Variants in ADAMTS2 observed in about 807,000 individuals in gnomAD.
The protein encoded by ADAMTS2 is ADAM metallopeptidase with thrombospondin type 1 motif 2.
Under a neutral mutation model 123.0 loss-of-function variants are expected in ADAMTS2, and 50 were observed. The ratio of observed to expected loss-of-function variants is 0.41; its 90% confidence interval spans 0.32 to 0.51. The LOEUF (loss-of-function observed/expected upper bound fraction) is 0.51, where lower values mean the gene tolerates loss of function less well. Among genes scored for constraint, ADAMTS2 ranks in the 20% least tolerant of loss-of-function variants. The probability of loss-of-function intolerance (pLI) is 0.35; values close to 1 mark genes in which losing one functional copy is unlikely to be tolerated. For synonymous variants in ADAMTS2, 678 were observed against 695.4 expected, an observed-to-expected ratio of 0.98 and a Z score of 0.39; for missense variants, 1,494 against 1,705.2, an observed-to-expected ratio of 0.88 and a Z score of 2.18.
rs1374159653 is a variant in ADAMTS2, at chr5:179,139,972, C to T, written c.1693G>A (p.Gly565Ser). 6.2e-7 allele frequency: 1 copy of T among 1,614,064 alleles called. No individual in the cohort carries two copies. The highest frequency in any genetic ancestry group is 1.1e-5 in the South Asian group (1 of 91,086). The change falls in exon 11 of 22, where the codon GGC becomes AGC. Residue 565 changes from glycine to serine, a missense_variant. Around this residue, in one of 6 missense-constraint regions of ADAMTS2, gnomAD observed 953 missense variants for 1,124.7 expected, o/e 0.85. Coordinates refer to ENST00000251582, the MANE Select transcript of ADAMTS2 (RefSeq NM_014244.5). ...PDILKRDGSW[G>S]AWSPFGSCSR... The stretch of plus-strand genomic sequence containing the variant: ...CAGGAGCCAAACGGACTCCAAGCGC[C>T]CCAGCTGCCGTCCCGTTTGAGGATG...
In ADAMTS2 at chr5:179,114,819, TC is replaced by T. The variant is rs200336475; in HGVS notation, c.3179-496del. Among the ~76,000 whole-genome samples the T allele has an allele frequency of 3.3e-3, 497 of 152,210 alleles. 2 individuals are homozygous for T. Among genetic ancestry groups the T allele is most frequent in the African/African-American group, 0.011 (456 of 41,524 alleles). The stretch of plus-strand genomic sequence containing the variant: ...AATTCCTAAGACCCAATATAGCAAA[TC>T]CCAGGGCCGCTGTGGCCCCACCATG... On this transcript the variant is annotated intron_variant, in intron 21 of 21. Coordinates refer to ENST00000251582, the MANE Select transcript of ADAMTS2 (RefSeq NM_014244.5).
intron 3 of ADAMTS2, among the ~76,000 whole-genome samples, chr5:179,230,050 G>C (rs946242567): frequency 2.6e-5 from 4 of 152,190 alleles, no homozygotes; most frequent in African/African-American, 9.7e-5. Context: ...ATGGAAATCT[G>C]TTTTTGACTT....
intron 13 of ADAMTS2, among the ~76,000 whole-genome samples, chr5:179,135,457 C>T (rs562208129): frequency 6.6e-6 from 1 of 152,304 alleles, no homozygotes; most frequent in South Asian, 2.1e-4. Flanking sequence ...TAAAAGAAAA[C>T]AGAGGAGGGC....
chr5:179,221,316 T>A (rs985257404), intron 3 of ADAMTS2, among the ~76,000 whole-genome samples: 3 of 152,082 alleles, frequency 2.0e-5, no homozygotes, highest in Non-Finnish European at 2.9e-5. Context: ...GTCCCCCGCA[T>A]CCCGAGCTTC....
intron 11 of ADAMTS2, 95 bp downstream of exon 11, chr5:179,139,795 G>GCCA: frequency 6.4e-7 from 1 of 1,567,112 alleles, no homozygotes; most frequent in South Asian, 1.1e-5. Flanking sequence ...CTGGTGTGCA[G>GCCA]CCACAGGGCC....
At chr5:179,313,618 A>G (rs248181) in intron 2 of ADAMTS2, among the ~76,000 whole-genome samples, 10 of 10,600 alleles carry the variant, frequency 9.4e-4, no homozygotes, top group Non-Finnish European at 9.0e-4. Context: ...ATTCACACTC[A>G]TGCACACACA....
intron 2 of ADAMTS2, among the ~76,000 whole-genome samples, chr5:179,316,678 G>A (rs1371919802): frequency 6.6e-6 from 1 of 152,194 alleles, no homozygotes; most frequent in African/African-American, 2.4e-5. Flanking sequence ...ACGCAGTGGT[G>A]TACACCTATA....
intron 4 of ADAMTS2, 23 bp downstream of exon 4, chr5:179,207,490 G>GCCCCCCCCCCCCCCC: frequency 1.8e-6 from 1 of 546,852 alleles, no homozygotes; most frequent in Non-Finnish European, 3.0e-6. Context: ...GCCCCACCCT[G>GCCCCCCCCCCCCCCC]CCCCCTCAGC....
At chr5:179,325,422 G>A (rs1757287471) in intron 2 of ADAMTS2, among the ~76,000 whole-genome samples, 1 of 152,172 alleles carries the variant, frequency 6.6e-6, no homozygotes, top group African/African-American at 2.4e-5. Context: ...AAGGCAATGG[G>A]GACCCATAGC....
intron 3 of ADAMTS2, among the ~76,000 whole-genome samples, chr5:179,268,639 C>T (rs560074263): frequency 5.7e-4 from 87 of 152,270 alleles, no homozygotes; most frequent in African/African-American, 1.9e-3. Flanking sequence ...TTAACGCGGG[C>T]GGTGGGGGAG....
In ADAMTS2 at chr5:179,128,717, CTTTA is replaced by C. The variant is rs1762904918; in HGVS notation, c.2458-603_2458-600del. ...CTATGTGTGAGTCTGTTTAAAGACA[CTTTA>C]TTTAATTTTTACTGTGATTCATTAA... is the stretch of plus-strand genomic sequence containing the variant. On this transcript the variant is annotated intron_variant, in intron 16 of 21. Transcript: ENST00000251582. The surrounding 1 kb of genome is among the most constrained non-coding windows in gnomAD (Gnocchi z 4.9). Among the ~76,000 whole-genome samples the C allele has an allele frequency of 6.6e-6, 1 of 152,138 alleles. No individual in the cohort carries two copies. Among genetic ancestry groups the C allele is most frequent in the Non-Finnish European group, 1.5e-5 (1 of 68,032 alleles).
intron 2 of ADAMTS2, among the ~76,000 whole-genome samples, chr5:179,328,040 G>A (rs1757359808): frequency 6.6e-6 from 1 of 152,128 alleles, no homozygotes; most frequent in Non-Finnish European, 1.5e-5. Flanking sequence ...GTTTTGTTTT[G>A]TTTTTTGAGA....
At chr5:179,299,299 G>GTCAGGAGATCGAGACCATCCCGGCCAACA (rs1561706710) in intron 2 of ADAMTS2, among the ~76,000 whole-genome samples, 1 of 130,704 alleles carries the variant, frequency 7.7e-6, no homozygotes, top group Non-Finnish European at 1.6e-5. Flanking sequence ...GGAGGCTGAG[G>GTCAGGAGATCGAGACCATCCCGGCCAACA]CGGGCGGATC....
At chr5:179,123,165 C>T (rs529157745) in intron 19 of ADAMTS2, among the ~76,000 whole-genome samples, 2 of 152,296 alleles carry the variant, frequency 1.3e-5, no homozygotes, top group Middle Eastern at 3.4e-3. Context: ...GCCTAGGAGG[C>T]GCCAGTAGGC....
intron 2 of ADAMTS2, among the ~76,000 whole-genome samples, chr5:179,309,714 G>C (rs1175124201): frequency 8.0e-6 from 1 of 124,790 alleles, no homozygotes; most frequent in Non-Finnish European, 1.6e-5. Flanking sequence ...CCGAGATCAT[G>C]CCATTGTACT....
At chr5:179,169,254 G>A (rs1763769017) in intron 5 of ADAMTS2, among the ~76,000 whole-genome samples, 1 of 152,212 alleles carries the variant, frequency 6.6e-6, no homozygotes, top group African/African-American at 2.4e-5. Context: ...TCATGCGAGG[G>A]CACAGCTAGA....
intron 10 of ADAMTS2, among the ~76,000 whole-genome samples, chr5:179,147,961 C>G (rs1193871611): frequency 5.3e-5 from 8 of 152,308 alleles, no homozygotes; most frequent in Middle Eastern, 3.4e-3. Context: ...TGGCCTCTCC[C>G]AGGGTCTCGG....
chr5:179,239,431 T>G (rs567135773), intron 3 of ADAMTS2, among the ~76,000 whole-genome samples: 3 of 151,584 alleles, frequency 2.0e-5, no homozygotes, highest in African/African-American at 7.3e-5. Flanking sequence ...GCGGAGAGGG[T>G]GAGCGCGAGT....
intron 19 of ADAMTS2, among the ~76,000 whole-genome samples, chr5:179,124,204 G>A (rs1442170047): frequency 6.6e-6 from 1 of 152,178 alleles, no homozygotes; most frequent in Non-Finnish European, 1.5e-5. Flanking sequence ...CTGAGCCTGA[G>A]GGTGGTCTTG....
Sources: allele counts gnomAD v4.1 joint callset (sites outside exome capture counted in the v4.1 genomes callset), GRCh38; gene constraint gnomAD v4.1.1; regional missense constraint gnomAD v4.1.1; non-coding constraint Gnocchi (gnomAD v3.1); transcripts MANE v1.5; gene names NCBI Gene and HGNC (gene_info 2026-07-23, HGNC 2026-07-21).